The following PANK2 variants were observed in gnomAD, a reference collection of about 807,000 sequenced individuals.
PANK2 encodes pantothenate kinase 2, mitochondrial.
Under a neutral mutation model 43.1 loss-of-function variants are expected in PANK2, and 36 were observed. The observed-to-expected ratio is 0.84, with a 90% CI of 0.64 to 1.10. The LOEUF (loss-of-function observed/expected upper bound fraction) is 1.10, where lower values mean the gene tolerates loss of function less well. Among genes scored for constraint, PANK2 ranks in the 50% least tolerant of loss-of-function variants. The probability of loss-of-function intolerance (pLI) is 0.00; values close to 1 mark genes in which losing one functional copy is unlikely to be tolerated. For missense variants in PANK2, 576 were observed against 593.3 expected (o/e 0.97, Z 0.30); for synonymous variants, 281 against 238.2 (o/e 1.18, Z -1.66).
chr20:3,889,777 G>A, intron 1 of PANK2, 49 bp downstream of exon 1: 1 of 1,169,926 alleles, frequency 8.5e-7, no homozygotes. Flanking sequence ...CCCCCCTTCC[G>A]GCCCACCCTG....
intron 1 of PANK2, among the ~76,000 whole-genome samples, chr20:3,895,076 C>A (rs2146823235): frequency 6.6e-6 from 1 of 152,044 alleles, no homozygotes; most frequent in Admixed American, 6.6e-5. Flanking sequence ...ACCACGAGTT[C>A]AAGACCAGCT....
At chr20:3,889,120 T>G (rs1459133770), upstream of PANK2, 2 of 1,551,582 alleles carry the variant, frequency 1.3e-6, no homozygotes, top group Non-Finnish European at 1.7e-6. Context: ...CTCGGGCCCT[T>G]CCACCCACGC....
At position 3,889,421 on chromosome 20, in the gene PANK2, G is replaced by T. The variant is rs771710781; in HGVS notation, c.-10G>T. 2.5e-6 allele frequency: 4 copies of T among 1,569,392 alleles called. No homozygotes were observed. The highest frequency in any genetic ancestry group is 3.3e-4 in the Middle Eastern group (2 of 5,992). ...GGACTGCCGCGGAGGAGGCGAGAAG[G>T]AATCCGACGCTGGGGGGCTTGCTCG... On this transcript the variant is annotated 5_prime_UTR_variant, in exon 1 of 7. Transcript: ENST00000610179.
At chr20:3,915,062 T>G (rs532949038) in intron 4 of PANK2, among the ~76,000 whole-genome samples, 37 of 152,326 alleles carry the variant, frequency 2.4e-4, no homozygotes, top group Non-Finnish European at 3.8e-4. Context: ...GCAAATGTTT[T>G]GTCCCATTTT....
rs1329626780 is a variant in PANK2 at position 3,924,229 on chromosome 20, T to G, written c.*935T>G. 2 of 152,288 alleles carry G rather than the reference T, an allele frequency of 1.3e-5. No individual in the cohort carries two copies. Among genetic ancestry groups the G allele is most frequent in the African/African-American group, 4.8e-5 (2 of 41,470 alleles). The allele number at this position is 152,288 out of a possible 1,614,324, so 9.4% of individuals were successfully genotyped here. ...TCTTGGTAGGGGCTGAAGCTTTTCT[T>G]TCTGCTTTGCAGAATAATTTCAAAA... On this transcript the variant is annotated 3_prime_UTR_variant, in exon 7 of 7. Transcript: ENST00000610179.
At position 3,915,037 on chromosome 20, in the gene PANK2, T is replaced by C. The variant is rs6107374; in HGVS notation, c.1083-1890T>C. On this transcript the variant is annotated intron_variant, in intron 4 of 6. Transcript: ENST00000610179. ...TTGAGTTCTGGATACAAGTCCCTTA[T>C]TAGATACATAATTCGCAAATGTTTT... is the stretch of plus-strand genomic sequence containing the variant. 4.6e-3 allele frequency among the ~76,000 whole-genome samples: 705 copies of C among 152,340 alleles called. 9 individuals carry two copies. Among genetic ancestry groups the C allele is most frequent in the African/African-American group, 0.016 (669 of 41,576 alleles).
chr20:3,904,827 A>G (rs1209489908), intron 1 of PANK2, among the ~76,000 whole-genome samples: 1 of 151,802 alleles, frequency 6.6e-6, no homozygotes, highest in African/African-American at 2.4e-5. Flanking sequence ...TCATTTTTGT[A>G]GTGTTTATTT....
Position 3,923,514 on chromosome 20 carries a change from G to A in PANK2, c.*220G>A, listed in dbSNP as rs2090679105. The A allele has an allele frequency of 6.8e-6, 4 of 591,274 alleles. No homozygotes were observed. Among genetic ancestry groups the A allele is most frequent in the Non-Finnish European group, 1.2e-5 (4 of 333,916 alleles). The allele number at this position is 591,274 out of a possible 1,614,324, so 36.6% of individuals were successfully genotyped here. A position where few individuals can be genotyped will look rare whatever the true frequency, so the allele number is the denominator to read the frequency against. Reference sequence around the variant, plus strand: ...TAAAAACAACAAAAAAGTGGCACATGTCCAGGCAGTGTGAGGATTTGCTGT... The same window carrying A: ...TAAAAACAACAAAAAAGTGGCACATATCCAGGCAGTGTGAGGATTTGCTGT... On this transcript the variant is annotated 3_prime_UTR_variant, in exon 7 of 7. Transcript: ENST00000610179.
Position 3,916,755 on chromosome 20 carries a change from G to C in PANK2, c.1083-172G>C, listed in dbSNP as rs546389828. ...CTCATTTAGAATGTTGGAGGGCTCT[G>C]TTTGAAGTTTGCATTTCTCTTTGAA... On this transcript the variant is annotated intron_variant, in intron 4 of 6. Coordinates refer to ENST00000610179, the MANE Select transcript of PANK2 (RefSeq NM_001386393.1). Among the ~76,000 whole-genome samples, 6 of 152,314 alleles carry C rather than the reference G, an allele frequency of 3.9e-5. No homozygotes were observed. The South Asian group carries it at 1.0e-3, about 26-fold the overall frequency.
At chr20:3,914,508 A>G (rs917080105) in intron 4 of PANK2, among the ~76,000 whole-genome samples, 2 of 151,244 alleles carry the variant, frequency 1.3e-5, no homozygotes, top group Admixed American at 6.6e-5. Flanking sequence ...GGGTCTTGCT[A>G]TGTTGCCTAG....
chr20:3,915,372 C>G (rs1025857939), intron 4 of PANK2, among the ~76,000 whole-genome samples: 1 of 151,980 alleles, frequency 6.6e-6, no homozygotes, highest in Non-Finnish European at 1.5e-5. Flanking sequence ...GATCTCGGCT[C>G]ACTGCAACCT....
chr20:3,912,777 C>T, intron 4 of PANK2, 143 bp downstream of exon 4: 2 of 859,698 alleles, frequency 2.3e-6, no homozygotes, highest in South Asian at 1.7e-5. Flanking sequence ...TAGTGTAACC[C>T]TGTCTCTACT....
At chr20:3,907,055 C>T (rs1369868019) in intron 1 of PANK2, among the ~76,000 whole-genome samples, 1 of 149,120 alleles carries the variant, frequency 6.7e-6, no homozygotes, top group Non-Finnish European at 1.5e-5. Flanking sequence ...TTAGCCTCCC[C>T]AAGTGTTGGG....
At chr20:3,920,217 T>TAA (rs11482548) in intron 6 of PANK2, among the ~76,000 whole-genome samples, 45 of 149,880 alleles carry the variant, frequency 3.0e-4, no homozygotes, top group Non-Finnish European at 3.7e-4. Context: ...AAGTTAACCT[T>TAA]AAAAAAAAAA....
Position 3,908,069 on chromosome 20 carries a change from T to C in PANK2, c.442T>C (p.Tyr148His). The change falls in exon 2 of 7, where the codon TAT becomes CAT. Residue 148 changes from tyrosine to histidine, a missense_variant. By Grantham distance (83) the Tyr-to-His change is moderately conservative. Coordinates refer to ENST00000610179, the MANE Select transcript of PANK2 (RefSeq NM_001386393.1). ...GAAGTACCTGACCTCCAATGTGGCT[T>C]ATGGGTCTACAGGCATTCGGGACGT... is the stretch of plus-strand genomic sequence containing the variant. The C allele has an allele frequency of 6.2e-7, 1 of 1,614,168 alleles. No individual in the cohort carries two copies. Among genetic ancestry groups the C allele is most frequent in the Non-Finnish European group, 8.5e-7 (1 of 1,180,038 alleles).
intron 1 of PANK2, chr20:3,901,540 C>T (rs887726879): frequency 4.6e-6 from 4 of 875,016 alleles, no homozygotes; most frequent in Admixed American, 1.3e-4. Flanking sequence ...CTTCCCTTTT[C>T]CAACAAGACA....
chr20:3,917,357 G>A, intron 5 of PANK2: 1 of 486,034 alleles, frequency 2.1e-6, no homozygotes, highest in South Asian at 1.5e-5. Flanking sequence ...TAACGATGCT[G>A]AATGTAGACT....
At chr20:3,912,816 G>A (rs1434890277) in intron 4 of PANK2, among the ~76,000 whole-genome samples, 182 bp downstream of exon 4, 1 of 151,658 alleles carries the variant, frequency 6.6e-6, no homozygotes, top group Non-Finnish European at 1.5e-5. Context: ...TAGGCATGGT[G>A]GTGCGCGCCT....
intron 1 of PANK2, among the ~76,000 whole-genome samples, chr20:3,896,277 A>G (rs2090207262): frequency 7.6e-6 from 1 of 131,476 alleles, no homozygotes; most frequent in Non-Finnish European, 1.6e-5. Flanking sequence ...ACGGGGTTTC[A>G]CCATGTTAGC....
Sources: allele counts gnomAD v4.1 joint callset (sites outside exome capture counted in the v4.1 genomes callset), GRCh38; gene constraint gnomAD v4.1.1; transcripts MANE v1.5; gene names NCBI Gene and HGNC (gene_info 2026-07-23, HGNC 2026-07-21).